The following ZNF92 variants were observed in gnomAD, a reference collection of about 807,000 sequenced individuals.
ZNF92 encodes epididymis luminal protein 203.
A neutral mutation model predicts 12.4 loss-of-function variants in ZNF92; 11 were observed. That is an observed-to-expected ratio of 0.89 (90% confidence interval 0.56 to 1.47). ZNF92 has a LOEUF of 1.47. ZNF92 is among the 40% of genes most tolerant of loss of function. The pLI, the probability that ZNF92 is intolerant of heterozygous loss-of-function variation, is 0.00. For synonymous variants in ZNF92, 206 were observed against 228.6 expected (o/e 0.90, Z 0.89); for missense variants, 622 against 681.0 (o/e 0.91, Z 0.96).
At chr7:65,383,007 C>T (rs1793465167) in intron 1 of ZNF92, among the ~76,000 whole-genome samples, 1 of 152,104 alleles carries the variant, frequency 6.6e-6, no homozygotes. Context: ...AACACTATAA[C>T]CCACACCCTA....
intron 1 of ZNF92, among the ~76,000 whole-genome samples, chr7:65,384,021 ATTG>A (rs1409521799): frequency 6.6e-6 from 1 of 152,084 alleles, no homozygotes; most frequent in Non-Finnish European, 1.5e-5. Context: ...GCTTCTTTAT[ATTG>A]TTGTGACTTC....
intron 3 of ZNF92, among the ~76,000 whole-genome samples, chr7:65,389,450 A>C (rs1310554319): frequency 6.6e-6 from 1 of 152,086 alleles, no homozygotes; most frequent in Non-Finnish European, 1.5e-5. Flanking sequence ...GCACAATCTG[A>C]CTACTTTTCC....
Position 65,373,870 on chromosome 7 carries a change from C to A in ZNF92, c.-128C>A, listed in dbSNP as rs898635420. The A allele has an allele frequency of 1.2e-5, 16 of 1,325,342 alleles. No individual in the cohort carries two copies. Among genetic ancestry groups the A allele is most frequent in the Admixed American group, 6.9e-5 (4 of 57,980 alleles). The allele number at this position is 1,325,342 out of a possible 1,614,324, so 82.1% of individuals were successfully genotyped here. On this transcript the variant is annotated 5_prime_UTR_variant, in exon 1 of 4. Transcript: ENST00000328747. ...CGGGGCCTTTGTCTCTCGCTGCAGC[C>A]GGCGCTCCACGTCTAGTCTTCACTG...
chr7:65,381,202 C>T (rs142701684), intron 1 of ZNF92, among the ~76,000 whole-genome samples: 1,566 of 151,608 alleles, frequency 0.01, 32 homozygotes, highest in African/African-American at 0.034. Context: ...TTAGTAGAGA[C>T]GGGGGTTTCA....
chr7:65,398,698 A>T lies in ZNF92; in HGVS notation c.584A>T (p.His195Leu). 1 of 1,611,530 alleles carries T rather than the reference A, an allele frequency of 6.2e-7. No individual in the cohort carries two copies. Among genetic ancestry groups the T allele is most frequent in the Non-Finnish European group, 8.5e-7 (1 of 1,179,192 alleles). Residue 195 changes from histidine (H) to leucine (L), a missense_variant, in exon 4 of 4, where the codon CAT becomes CTT. Physicochemically the swap from His to Leu is moderately conservative, Grantham distance 99. Coordinates refer to ENST00000328747, the MANE Select transcript of ZNF92 (RefSeq NM_152626.4). ...LSQLTQHKKI[H>L]TREYSYKCEE... is the part of the protein sequence containing the mutation. Reference sequence around the variant, plus strand: ...CAATTAACTCAACATAAGAAAATTCATACTAGAGAGTATTCTTACAAATGT... The same window carrying T: ...CAATTAACTCAACATAAGAAAATTCTTACTAGAGAGTATTCTTACAAATGT...
intron 1 of ZNF92, among the ~76,000 whole-genome samples, chr7:65,378,524 C>G (rs1336247128): frequency 6.6e-6 from 1 of 151,838 alleles, no homozygotes; most frequent in Non-Finnish European, 1.5e-5. Context: ...GGGCGGATCA[C>G]GAGGTCAGAA....
At chr7:65,374,068 G>A in intron 1 of ZNF92, 68 bp downstream of exon 1, 3 of 1,608,132 alleles carry the variant, frequency 1.9e-6, no homozygotes, top group Non-Finnish European at 2.6e-6. Context: ...GGAAGTGGCT[G>A]TGGCGGGCCT....
Position 65,399,570 on chromosome 7 carries a change from T to G in ZNF92, c.1456T>G (p.Cys486Gly). ...AGAAAAACCCTACAAATGTGAAGAA[T>G]GTGGCAAAGCCTTTAACCAGTCCTC... ...TREKPYKCEE[C>G]GKAFNQSSIF... The change falls in exon 4 of 4, where the codon TGT (cysteine) becomes GGT (glycine). Residue 486 changes from cysteine to glycine, a missense_variant. Cys to Gly is a radical substitution (Grantham distance 159). Transcript: ENST00000328747. 1 of 1,613,780 alleles carries G rather than the reference T, an allele frequency of 6.2e-7. No homozygotes were observed.
At chr7:65,393,037 A>G (rs947083878) in intron 3 of ZNF92, among the ~76,000 whole-genome samples, 1 of 151,556 alleles carries the variant, frequency 6.6e-6, no homozygotes, top group Admixed American at 6.6e-5. Context: ...TTGGGTGACA[A>G]GTGGGACCCT....
At chr7:65,386,719 G>A (rs1174494891) in intron 1 of ZNF92, among the ~76,000 whole-genome samples, 5 of 151,898 alleles carry the variant, frequency 3.3e-5, no homozygotes, top group Non-Finnish European at 5.9e-5. Context: ...TGCATAAAAT[G>A]GATGTTTCTT....
chr7:65,379,864 G>T (rs920159206), intron 1 of ZNF92, among the ~76,000 whole-genome samples: 3 of 152,056 alleles, frequency 2.0e-5, no homozygotes, highest in African/African-American at 4.8e-5. Flanking sequence ...CCCACCCATG[G>T]ATCTTTTCTG....
chr7:65,400,412 T>G lies in ZNF92; in HGVS notation c.*537T>G, dbSNP rs1472481160. 3 of 152,126 alleles carry G rather than the reference T, an allele frequency of 2.0e-5. No homozygotes were observed. Among genetic ancestry groups the G allele is most frequent in the Admixed American group, 1.3e-4 (2 of 15,270 alleles). The allele number at this position is 152,126 out of a possible 1,614,324, so 9.4% of individuals were successfully genotyped here. A position where few individuals can be genotyped will look rare whatever the true frequency, so the allele number is the denominator to read the frequency against. ...AAATGTAATAAATATGGAAAAACAT[T>G]TTTTCAAAAACTACAGCTTGGAAAA... On this transcript the variant is annotated 3_prime_UTR_variant, in exon 4 of 4. Transcript: ENST00000328747.
At chr7:65,395,161 T>A (rs1402130403) in intron 3 of ZNF92, among the ~76,000 whole-genome samples, 1 of 152,144 alleles carries the variant, frequency 6.6e-6, no homozygotes, top group African/African-American at 2.4e-5. Flanking sequence ...GCTCAAGTGA[T>A]CCTTTTCCTC....
At chr7:65,379,103 A>C (rs7798491) in intron 1 of ZNF92, among the ~76,000 whole-genome samples, 19 of 151,854 alleles carry the variant, frequency 1.3e-4, no homozygotes, top group African/African-American at 4.4e-4. Context: ...AGCTCTATCA[A>C]ATTATTGAAC....
At chr7:65,374,414 T>C (rs1793183333) in intron 1 of ZNF92, among the ~76,000 whole-genome samples, 1 of 151,800 alleles carries the variant, frequency 6.6e-6, no homozygotes, top group Non-Finnish European at 1.5e-5. Flanking sequence ...TTTATGGGAG[T>C]CAAGGTAAAA....
intron 3 of ZNF92, 28 bp downstream of exon 3, chr7:65,388,929 CA>C: frequency 3.3e-6 from 5 of 1,535,440 alleles, no homozygotes; most frequent in Non-Finnish European, 4.4e-6. Context: ...CAACAGACAA[CA>C]CAAATGAGAG....
intron 1 of ZNF92, among the ~76,000 whole-genome samples, chr7:65,378,070 G>A (rs1286318702): frequency 6.6e-6 from 1 of 152,064 alleles, no homozygotes; most frequent in Admixed American, 6.6e-5. Flanking sequence ...TCAAACTTTA[G>A]GCCTGGCATG....
intron 1 of ZNF92, among the ~76,000 whole-genome samples, chr7:65,377,759 G>T (rs1162416176): frequency 1.3e-5 from 2 of 151,820 alleles, no homozygotes; most frequent in African/African-American, 4.9e-5. Context: ...TAGAGACGGG[G>T]TTTCACCATG....
intron 1 of ZNF92, among the ~76,000 whole-genome samples, chr7:65,383,766 C>A (rs1447796304): frequency 1.3e-5 from 2 of 152,136 alleles, no homozygotes; most frequent in Non-Finnish European, 2.9e-5. Context: ...AATCCAGGTT[C>A]TGGAGCTCCA....
Sources: allele counts gnomAD v4.1 joint callset (sites outside exome capture counted in the v4.1 genomes callset), GRCh38; gene constraint gnomAD v4.1.1; transcripts MANE v1.5; gene names NCBI Gene and HGNC (gene_info 2026-07-23, HGNC 2026-07-21).